TSPAN1: variants seen among roughly 807,000 people sequenced by gnomAD.
The protein encoded by TSPAN1 is tetraspanin 1.
In TSPAN1, 23 loss-of-function variants were observed where a neutral mutation model predicts 26.9. The ratio of observed to expected loss-of-function variants is 0.85; its 90% CI spans 0.62 to 1.21. The LOEUF is 1.21. Among genes scored for constraint, TSPAN1 ranks in the 50% most tolerant of loss-of-function variants. TSPAN1 has a pLI of 0.00. For missense variants in TSPAN1, 283 were observed against 298.4 expected (o/e 0.95, Z 0.38); for synonymous variants, 115 against 114.8 (o/e 1.00, Z -0.01).
the TSPAN1 span, chr1:46,192,446 G>A: frequency 6.2e-7 from 1 of 1,614,180 alleles, no homozygotes; most frequent in Non-Finnish European, 8.5e-7. Context: ...CCTGGGGACA[G>A]GGTGCCATAG....
chr1:46,186,433 G>T (rs111508585), downstream of TSPAN1, among the ~76,000 whole-genome samples: 1,436 of 150,532 alleles, frequency 9.5e-3, 30 homozygotes, highest in African/African-American at 0.033. Flanking sequence ...TCATTTTTTC[G>T]TTGCTGCTGG....
At position 46,176,433 on chromosome 1, in the gene TSPAN1, C is replaced by T. The variant is rs762912080; in HGVS notation, c.-142+1024C>T. The T allele has an allele frequency of 1.1e-5, 17 of 1,535,752 alleles. No individual in the cohort carries two copies. The South Asian group carries it at 1.9e-4, about 17-fold the overall frequency. On this transcript the variant is annotated intron_variant, in intron 1 of 8. Transcript: ENST00000372003. Reference sequence around the variant, plus strand: ...GCCTGCGGTAGGGGGAACGCATGCCCTGGGGCCGAGGGCCACGGACAAGCC... The same window carrying T: ...GCCTGCGGTAGGGGGAACGCATGCCTTGGGGCCGAGGGCCACGGACAAGCC...
At chr1:46,192,722 C>G in the TSPAN1 span, 8 of 1,597,440 alleles carry the variant, frequency 5.0e-6, no homozygotes, top group African/African-American at 8.0e-5. Flanking sequence ...CAAATCCCCA[C>G]TGTCTCCATT....
chr1:46,187,236 AG>A (rs1657454067), downstream of TSPAN1, among the ~76,000 whole-genome samples: 1 of 152,220 alleles, frequency 6.6e-6, no homozygotes, highest in Admixed American at 6.5e-5. Context: ...ATTTGGGCCC[AG>A]AACTCCAGCA....
intron 1 of TSPAN1, among the ~76,000 whole-genome samples, chr1:46,180,173 A>G (rs1056309749): frequency 6.6e-6 from 1 of 152,258 alleles, no homozygotes; most frequent in African/African-American, 2.4e-5. Context: ...TGCTTGCTGT[A>G]TGAACATATG....
At chr1:46,188,509 G>A (rs1046278765), downstream of TSPAN1, among the ~76,000 whole-genome samples, 1 of 152,168 alleles carries the variant, frequency 6.6e-6, no homozygotes, top group Non-Finnish European at 1.5e-5. Flanking sequence ...GGGTAGAGTT[G>A]GGGAAAAACC....
chr1:46,193,979 C>T, the TSPAN1 span: 1 of 1,605,926 alleles, frequency 6.2e-7, no homozygotes, highest in South Asian at 1.1e-5. Flanking sequence ...AAACTGGGAT[C>T]CCCACCTAGG....
At chr1:46,195,877 C>G in the TSPAN1 span, 1 of 1,613,352 alleles carries the variant, frequency 6.2e-7, no homozygotes, top group African/African-American at 1.3e-5. Flanking sequence ...TGGCCTCATC[C>G]TCATGAGGTG....
intron 3 of TSPAN1, among the ~76,000 whole-genome samples, chr1:46,182,789 G>A (rs1250802595): frequency 6.6e-6 from 1 of 150,946 alleles, no homozygotes; most frequent in African/African-American, 2.5e-5. Flanking sequence ...CAGGGAACTT[G>A]TGTTTTTGTT....
chr1:46,176,122 G>A lies in TSPAN1; in HGVS notation c.-142+713G>A, dbSNP rs539460433. 9.1e-5 allele frequency: 116 copies of A among 1,273,810 alleles called. 1 individual carries two copies. Among genetic ancestry groups the A allele is most frequent in the East Asian group, 3.8e-4 (15 of 39,474 alleles). 78.9% of individuals were successfully genotyped at this position (1,273,810 alleles called of 1,614,324 possible). ...GATCTCCTGACCTTGTGATCTGCCC[G>A]CCTTGGCCTCCCAAAGTGCCGGGAT... is the stretch of plus-strand genomic sequence containing the variant. On this transcript the variant is annotated intron_variant, in intron 1 of 8. Coordinates refer to ENST00000372003, the MANE Select transcript of TSPAN1 (RefSeq NM_005727.4).
At chr1:46,189,098 CG>C, downstream of TSPAN1, 1 of 1,501,602 alleles carries the variant, frequency 6.7e-7, no homozygotes, top group Non-Finnish European at 8.9e-7. Context: ...AACTCAGGAA[CG>C]GGGTGTTGGA....
the TSPAN1 span, chr1:46,195,593 C>T: frequency 1.6e-6 from 1 of 619,678 alleles, no homozygotes; most frequent in East Asian, 3.0e-5. Context: ...TGTCTTGTTT[C>T]CCATTGTATC....
At chr1:46,194,056 G>GT in the TSPAN1 span, 43 of 1,547,368 alleles carry the variant, frequency 2.8e-5, no homozygotes, top group Non-Finnish European at 3.6e-5. Flanking sequence ...GATCTTCCCT[G>GT]TTCTGGGCTC....
chr1:46,190,639 G>A, downstream of TSPAN1: 1 of 1,535,360 alleles, frequency 6.5e-7, no homozygotes, highest in South Asian at 1.1e-5. Flanking sequence ...AAACACACAG[G>A]CCCAGCATTG....
intron 1 of TSPAN1, among the ~76,000 whole-genome samples, chr1:46,178,816 AC>A: frequency 6.6e-6 from 1 of 152,202 alleles, no homozygotes; most frequent in Non-Finnish European, 1.5e-5. Flanking sequence ...CATGGCAAGT[AC>A]CTGACCCTTT....
intron 2 of TSPAN1, 29 bp downstream of exon 2, chr1:46,180,687 G>A (rs758814135): frequency 2.6e-5 from 5 of 190,008 alleles, no homozygotes; most frequent in Non-Finnish European, 5.4e-5. Context: ...AGATTATCCT[G>A]TGAAGTGATA....
chr1:46,195,177 C>T, the TSPAN1 span, among the ~76,000 whole-genome samples: 16 of 152,200 alleles, frequency 1.1e-4, no homozygotes, highest in South Asian at 4.1e-4. Context: ...CAAACCCACA[C>T]GATCTGCACC....
the TSPAN1 span, chr1:46,192,148 G>A: frequency 3.7e-6 from 6 of 1,613,926 alleles, no homozygotes; most frequent in Admixed American, 3.3e-5. Context: ...TGGTAGGATC[G>A]GGAAACGTCA....
chr1:46,184,076 A>G (rs942106873), intron 3 of TSPAN1, 115 bp from the exon 4 acceptor site: 56 of 1,128,238 alleles, frequency 5.0e-5, no homozygotes, highest in South Asian at 1.2e-4. Context: ...GAGGTTTTAG[A>G]CTCCCTAGCC....
Sources: gnomAD v4.1 joint callset for allele counts (sites outside exome capture counted in the v4.1 genomes callset) on GRCh38, gnomAD v4.1.1 for gene constraint, MANE v1.5 for transcripts, NCBI Gene and HGNC (gene_info 2026-07-23, HGNC 2026-07-21) for gene names.